HS6ST3: variants seen among roughly 807,000 people sequenced by gnomAD.
HS6ST3 encodes the protein heparan sulfate 6-O-sulfotransferase 3.
In HS6ST3, 12 loss-of-function variants were observed where a neutral mutation model predicts 36.7. The observed-to-expected ratio is 0.33, with a 90% CI of 0.21 to 0.53. The LOEUF is 0.53. Among genes scored for constraint, HS6ST3 ranks in the 20% least tolerant of loss-of-function variants. The pLI is 0.95. For synonymous variants in HS6ST3, 240 were observed against 257.5 expected, an observed-to-expected ratio of 0.93 and a Z score of 0.65; for missense variants, 584 against 640.9, an observed-to-expected ratio of 0.91 and a Z score of 0.96.
chr13:96,661,111 T>C (rs2056644616), intron 1 of HS6ST3, among the ~76,000 whole-genome samples: 1 of 152,168 alleles, frequency 6.6e-6, no homozygotes, highest in Non-Finnish European at 1.5e-5. Flanking sequence ...TTGGCTTCCC[T>C]ACTTTTGAGG....
chr13:96,519,383 T>C (rs553065971), intron 1 of HS6ST3, among the ~76,000 whole-genome samples: 300 of 152,340 alleles, frequency 2.0e-3, no homozygotes, highest in Admixed American at 4.1e-3. Context: ...ATTGGCTATT[T>C]TGAGGTGAAG....
intron 1 of HS6ST3, among the ~76,000 whole-genome samples, chr13:96,794,799 C>T (rs1877871079): frequency 6.6e-6 from 1 of 151,990 alleles, no homozygotes; most frequent in African/African-American, 2.4e-5. Context: ...TGTATAAGGT[C>T]ATCAGATGAA....
intron 1 of HS6ST3, among the ~76,000 whole-genome samples, chr13:96,617,055 A>C (rs1208705978): frequency 1.3e-5 from 2 of 152,216 alleles, no homozygotes; most frequent in African/African-American, 4.8e-5. Flanking sequence ...GGCATCTTAA[A>C]CTAATTTATA....
intron 1 of HS6ST3, among the ~76,000 whole-genome samples, chr13:96,494,094 G>A (rs772405372): frequency 2.6e-5 from 4 of 152,024 alleles, no homozygotes; most frequent in Admixed American, 6.6e-5. Context: ...GTAGAACCAC[G>A]ATGTACCTTT....
chr13:96,112,584 T>C (rs568048), intron 1 of HS6ST3, among the ~76,000 whole-genome samples: 2,661 of 8,570 alleles, frequency 0.31, 456 homozygotes, highest in South Asian at 0.39. Context: ...AATAAATATA[T>C]ATATATATAT....
intron 1 of HS6ST3, among the ~76,000 whole-genome samples, chr13:96,782,139 A>G (rs1877541359): frequency 6.6e-6 from 1 of 152,160 alleles, no homozygotes; most frequent in Non-Finnish European, 1.5e-5. Flanking sequence ...CCAGAGTCTG[A>G]TGGTTTTCTT....
intron 1 of HS6ST3, among the ~76,000 whole-genome samples, chr13:96,754,430 A>G (rs1460603548): frequency 1.3e-5 from 2 of 152,176 alleles, no homozygotes; most frequent in South Asian, 2.1e-4. Context: ...TTTGTTTAGG[A>G]TATTCAGTGC....
intron 1 of HS6ST3, among the ~76,000 whole-genome samples, chr13:96,587,280 G>T (rs1051712278): frequency 2.6e-5 from 4 of 151,406 alleles, no homozygotes; most frequent in Non-Finnish European, 4.4e-5. Context: ...TGGTTATTCA[G>T]GTTTTTTTGT....
At chr13:96,182,993 G>A (rs2054246711) in intron 1 of HS6ST3, among the ~76,000 whole-genome samples, 1 of 152,152 alleles carries the variant, frequency 6.6e-6, no homozygotes, top group African/African-American at 2.4e-5. Context: ...CCTCCTCCTG[G>A]GTGAATTAAA....
chr13:96,689,793 G>C (rs1301446922), intron 1 of HS6ST3, among the ~76,000 whole-genome samples: 1 of 16,354 alleles, frequency 6.1e-5, no homozygotes, highest in Non-Finnish European at 1.3e-4. Context: ...GTTTGTCAAT[G>C]GATGTTTGTC....
chr13:96,330,315 C>T lies in HS6ST3; in HGVS notation c.707+238746C>T, dbSNP rs534319390. On this transcript the variant is annotated intron_variant, in intron 1 of 1. Coordinates refer to ENST00000376705, the MANE Select transcript of HS6ST3 (RefSeq NM_153456.4). ...CATTTTGGCATGAGTTTGCAGCGGC[C>T]GGTACCGGTTGTTCCTTTCCATGTT... 5.9e-3 allele frequency among the ~76,000 whole-genome samples: 884 copies of T among 150,260 alleles called. 4 individuals carry two copies. The highest frequency in any genetic ancestry group is 0.01 in the Middle Eastern group (3 of 292).
In HS6ST3 at chr13:96,142,094, G is replaced by A. The variant is rs370300204; in HGVS notation, c.707+50525G>A. On this transcript the variant is annotated intron_variant, in intron 1 of 1. Transcript: ENST00000376705. Reference sequence around the variant, plus strand: ...GGTGAATGTTTTCAAAATGGGCATCGTGGAGAAATTCAAGAGCTAATCAAG... The same window carrying A: ...GGTGAATGTTTTCAAAATGGGCATCATGGAGAAATTCAAGAGCTAATCAAG... 1.3e-4 allele frequency among the ~76,000 whole-genome samples: 19 copies of A among 150,352 alleles called. No homozygotes were observed. In the South Asian group the frequency reaches 2.9e-3, roughly 23 times the overall value.
At position 96,667,106 on chromosome 13, in the gene HS6ST3, T is replaced by A. The variant is rs138158836; in HGVS notation, c.708-165384T>A. Among the ~76,000 whole-genome samples the A allele has an allele frequency of 1.1e-4, 16 of 152,330 alleles. No homozygotes were observed. In the East Asian group the frequency reaches 3.1e-3, roughly 29 times the overall value. ...CTCATAAAATAGTATGACTACAGAT[T>A]ATACATGGAGTAATTTATATTTTGC... On this transcript the variant is annotated intron_variant, in intron 1 of 1. Transcript: ENST00000376705.
intron 1 of HS6ST3, among the ~76,000 whole-genome samples, chr13:96,727,928 C>T (rs1876047309): frequency 6.6e-6 from 1 of 152,162 alleles, no homozygotes; most frequent in Non-Finnish European, 1.5e-5. Context: ...CCAGGAATAT[C>T]CCCAACTGCC....
At chr13:96,306,365 G>T (rs1434130033) in intron 1 of HS6ST3, among the ~76,000 whole-genome samples, 1 of 151,964 alleles carries the variant, frequency 6.6e-6, no homozygotes, top group Admixed American at 6.6e-5. Context: ...GCCTCCCAAA[G>T]TATGCCCAGC....
intron 1 of HS6ST3, among the ~76,000 whole-genome samples, chr13:96,714,128 G>T (rs902696629): frequency 6.6e-6 from 1 of 152,104 alleles, no homozygotes; most frequent in African/African-American, 2.4e-5. Context: ...GGTAGGGAGA[G>T]ATTTCTAAAG....
At chr13:96,387,708 G>C (rs1925132) in intron 1 of HS6ST3, among the ~76,000 whole-genome samples, 132,240 of 152,198 alleles carry the variant, frequency 0.87, 57,775 homozygotes, top group South Asian at 0.91. Context: ...CCCCAAGGCT[G>C]CAAATATCAT....
chr13:96,521,062 G>T (rs1206292881), intron 1 of HS6ST3, among the ~76,000 whole-genome samples: 1 of 152,134 alleles, frequency 6.6e-6, no homozygotes, highest in Non-Finnish European at 1.5e-5. Flanking sequence ...AGCATAGAAG[G>T]CTGTTGAATT....
At chr13:96,335,374 G>A (rs1234220035) in intron 1 of HS6ST3, among the ~76,000 whole-genome samples, 11 of 152,196 alleles carry the variant, frequency 7.2e-5, no homozygotes. Flanking sequence ...GTCATTCAGT[G>A]GTTTGAACTG....
Sources: allele counts gnomAD v4.1 joint callset (sites outside exome capture counted in the v4.1 genomes callset), GRCh38; gene constraint gnomAD v4.1.1; transcripts MANE v1.5; gene names NCBI Gene and HGNC (gene_info 2026-07-23, HGNC 2026-07-21).